DHX36: variants seen among roughly 807,000 people sequenced by gnomAD.
The protein encoded by DHX36 is ATP-dependent DNA/RNA helicase DHX36.
A neutral mutation model predicts 139.0 loss-of-function variants in DHX36; 50 were observed. The observed-to-expected ratio is 0.36, with a 90% CI of 0.29 to 0.46. DHX36 has a LOEUF of 0.46. Among genes scored for constraint, DHX36 ranks in the 20% least tolerant of loss-of-function variants. The pLI is 1.00. For synonymous variants in DHX36, 425 were observed against 401.9 expected, an observed-to-expected ratio of 1.06 and a Z score of -0.69; for missense variants, 1,024 against 1,211.3, an observed-to-expected ratio of 0.85 and a Z score of 2.29.
chr3:154,280,558 A>G (rs1430713185), intron 22 of DHX36, 21 bp downstream of exon 22: 4 of 1,521,274 alleles, frequency 2.6e-6, no homozygotes, highest in Non-Finnish European at 1.8e-6. Context: ...CGAGTAATTA[A>G]TAATAATCTT....
intron 3 of DHX36, chr3:154,314,666 AT>A (rs1712894374): frequency 6.3e-6 from 1 of 157,936 alleles, no homozygotes; most frequent in South Asian, 2.0e-4. Flanking sequence ...GAAATATTTA[AT>A]TTTATCATCT....
intron 12 of DHX36, among the ~76,000 whole-genome samples, chr3:154,298,501 G>A (rs1026516484): frequency 6.6e-6 from 1 of 152,212 alleles, no homozygotes; most frequent in Non-Finnish European, 1.5e-5. Context: ...TTGCAAGCTA[G>A]ATAGTAAATA....
intron 22 of DHX36, chr3:154,280,351 C>T: frequency 2.2e-6 from 1 of 460,148 alleles, no homozygotes; most frequent in Admixed American, 3.9e-5. Context: ...CATGTGGTAG[C>T]ATTCTTTGTG....
intron 12 of DHX36, among the ~76,000 whole-genome samples, chr3:154,299,552 T>C (rs1379177654): frequency 6.6e-6 from 1 of 152,160 alleles, no homozygotes; most frequent in African/African-American, 2.4e-5. Context: ...CATGGGTGAC[T>C]CTGTTGTATA....
chr3:154,292,763 C>T (rs1699867261), intron 14 of DHX36, 69 bp from the exon 15 acceptor site: 9 of 1,506,292 alleles, frequency 6.0e-6, no homozygotes, highest in South Asian at 1.2e-5. Flanking sequence ...ACACACACAT[C>T]GAAAGCACTA....
At chr3:154,311,903 G>C in intron 3 of DHX36, 1 of 399,386 alleles carries the variant, frequency 2.5e-6, no homozygotes, top group South Asian at 5.8e-5. Flanking sequence ...AATGCTTTAA[G>C]TCAGTGGCAG....
intron 15 of DHX36, among the ~76,000 whole-genome samples, chr3:154,290,795 T>C (rs1358151201): frequency 6.6e-6 from 1 of 151,994 alleles, no homozygotes; most frequent in Non-Finnish European, 1.5e-5. Flanking sequence ...CACTGTCTAT[T>C]ATATAATATA....
At chr3:154,293,638 T>C in intron 14 of DHX36, 110 bp downstream of exon 14, 1 of 771,592 alleles carries the variant, frequency 1.3e-6, no homozygotes, top group Non-Finnish European at 2.1e-6. Context: ...GTTTTATTTT[T>C]AATAAATTAC....
Position 154,312,897 on chromosome 3 carries a change from ATAT to A in DHX36, c.604-1226_604-1224del, listed in dbSNP as rs1712828020. 6.5e-4 allele frequency among the ~76,000 whole-genome samples: 72 copies of A among 111,044 alleles called. 1 individual carries two copies. Among genetic ancestry groups the A allele is most frequent in the South Asian group, 2.3e-3 (8 of 3,450 alleles). The allele number at this position is 111,044 out of a possible 152,430, so 72.8% of individuals were successfully genotyped here. A position where few individuals can be genotyped will look rare whatever the true frequency, so the allele number is the denominator to read the frequency against. On this transcript the variant is annotated intron_variant, in intron 3 of 24. Transcript: ENST00000496811. ...TATATATATATATATATATATATAT[ATAT>A]AAAATAAATAAAGAACTGTCTTTGG... is the stretch of plus-strand genomic sequence containing the variant.
At chr3:154,298,444 CAGAA>C (rs1278462480) in intron 12 of DHX36, among the ~76,000 whole-genome samples, 1 of 152,028 alleles carries the variant, frequency 6.6e-6, no homozygotes, top group Non-Finnish European at 1.5e-5. Flanking sequence ...AAAAAGAAAA[CAGAA>C]AGCAGTATTT....
chr3:154,291,134 C>CAAAAAAAAAAA (rs71152798), intron 15 of DHX36, among the ~76,000 whole-genome samples: 14 of 61,054 alleles, frequency 2.3e-4, no homozygotes, highest in African/African-American at 9.5e-4. Flanking sequence ...GACTCCGTCT[C>CAAAAAAAAAAA]AAAAAAAAAA....
At position 154,289,946 on chromosome 3, in the gene DHX36, A is replaced by G. The variant is rs529665784; in HGVS notation, c.1815-120T>C. On this transcript the variant is annotated intron_variant, in intron 15 of 24. Coordinates refer to ENST00000496811, the MANE Select transcript of DHX36 (RefSeq NM_020865.3). ...ATATCAATTTCTTACATGCCACATA[A>G]TAGCTAATGTACGTAATTATTTTTT... 1.7e-5 allele frequency: 10 copies of G among 599,678 alleles called. No individual in the cohort carries two copies. In the South Asian group the frequency reaches 2.4e-4, roughly 14 times the overall value. The allele number at this position is 599,678 out of a possible 1,614,324, so 37.1% of individuals were successfully genotyped here. A position where few individuals can be genotyped will look rare whatever the true frequency, so the allele number is the denominator to read the frequency against.
At chr3:154,286,071 A>G (rs1711539838) in intron 17 of DHX36, among the ~76,000 whole-genome samples, 1 of 151,014 alleles carries the variant, frequency 6.6e-6, no homozygotes. Flanking sequence ...TCATACCATA[A>G]TCTCATCAGA....
intron 15 of DHX36, 23 bp downstream of exon 15, chr3:154,292,528 T>G (rs1161650617): frequency 6.2e-7 from 1 of 1,613,888 alleles, no homozygotes; most frequent in Admixed American, 1.7e-5. Flanking sequence ...TTCTAAAAGC[T>G]TTGGACAGAG....
At chr3:154,280,884 T>C (rs780323433) in intron 20 of DHX36, 22 bp from the exon 21 acceptor site, 14 of 1,564,218 alleles carry the variant, frequency 9.0e-6, no homozygotes, top group East Asian at 2.2e-5. Context: ...TGGTAACAAA[T>C]AGAACTAGAA....
At chr3:154,305,909 G>C (rs935979759) in intron 6 of DHX36, among the ~76,000 whole-genome samples, 7 of 152,188 alleles carry the variant, frequency 4.6e-5, no homozygotes, top group African/African-American at 1.7e-4. Context: ...GTATATGGAG[G>C]TGGTACTGAA....
rs150127142 is a variant in DHX36 at position 154,276,589 on chromosome 3, A to G, written c.2841+158T>C. The G allele has an allele frequency of 8.5e-4, 778 of 910,166 alleles. 7 individuals are homozygous for G. The East Asian group carries it at 0.02, about 24-fold the overall frequency. 56.4% of individuals were successfully genotyped at this position (910,166 alleles called of 1,614,324 possible). On this transcript the variant is annotated intron_variant, in intron 24 of 24. Coordinates refer to ENST00000496811, the MANE Select transcript of DHX36 (RefSeq NM_020865.3). ...AGAATGGCTGGTCTGTTACCACCTC[A>G]AAACACAATTCAGAAAAACCAGGAA...
At chr3:154,289,392 T>TA (rs1184100945) in intron 16 of DHX36, among the ~76,000 whole-genome samples, 1 of 152,200 alleles carries the variant, frequency 6.6e-6, no homozygotes, top group Non-Finnish European at 1.5e-5. Flanking sequence ...ACTAAACACT[T>TA]ACCACGTGCC....
Position 154,301,012 on chromosome 3 carries a change from C to T in DHX36, c.1333G>A (p.Asp445Asn). 1 of 1,612,584 alleles carries T rather than the reference C, an allele frequency of 6.2e-7. No homozygotes were observed. The highest frequency in any genetic ancestry group is 8.5e-7 in the Non-Finnish European group (1 of 1,179,750). The change falls in exon 10 of 25, where the codon GAT becomes AAT. Residue 445 changes from aspartate (D) to asparagine (N), a missense_variant. Asp to Asn is a conservative substitution (Grantham distance 23). Around this residue, in one of 4 missense-constraint regions of DHX36, gnomAD observed 115 missense variants for 105.6 expected, o/e 1.09. Transcript: ENST00000496811. ...KEAIYKERWP[D>N]YVRELRRRYS... ...CTTCTTCGCAGTTCCCTTACATAATCTGGCCAACGTTCTTTATATATTGCT... is the reference window on the plus strand; with the variant it reads ...CTTCTTCGCAGTTCCCTTACATAATTTGGCCAACGTTCTTTATATATTGCT...
Sources: gnomAD v4.1 joint callset for allele counts (sites outside exome capture counted in the v4.1 genomes callset) on GRCh38, gnomAD v4.1.1 for gene constraint, gnomAD v4.1.1 regional missense constraint, MANE v1.5 for transcripts, NCBI Gene and HGNC (gene_info 2026-07-23, HGNC 2026-07-21) for gene names.